The following KLHL29 variants were observed in gnomAD, a reference collection of about 807,000 sequenced individuals.
The protein encoded by KLHL29 is kelch-like protein 29.
In KLHL29, 21 loss-of-function variants were observed where a neutral mutation model predicts 80.4. The observed-to-expected ratio is 0.26, with a 90% CI of 0.19 to 0.38. The LOEUF is 0.38. Ranked by LOEUF, KLHL29 falls within the 10% of genes least tolerant of loss-of-function variation. KLHL29 has a pLI of 1.00. For synonymous variants in KLHL29, 511 were observed against 526.8 expected (o/e 0.97, Z 0.41); for missense variants, 867 against 1,223.9 (o/e 0.71, Z 4.35).
At position 23,421,462 on chromosome 2, in the gene KLHL29, G is replaced by A. The variant is rs115519158; in HGVS notation, c.-154+35682G>A. Among the ~76,000 whole-genome samples, 541 of 152,042 alleles carry A rather than the reference G, an allele frequency of 3.6e-3. 4 individuals carry two copies. The highest frequency in any genetic ancestry group is 0.013 in the African/African-American group (521 of 41,480). Reference sequence around the variant, plus strand: ...GCTGCTCCTGGAGGGGAGAAGTGAAGGATTTCTGGTACAAAGTCATTCTGC... The same window carrying A: ...GCTGCTCCTGGAGGGGAGAAGTGAAAGATTTCTGGTACAAAGTCATTCTGC... On this transcript the variant is annotated intron_variant, in intron 1 of 13. Transcript: ENST00000486442.
At chr2:23,484,602 G>A (rs780049336) in intron 2 of KLHL29, among the ~76,000 whole-genome samples, 1 of 152,184 alleles carries the variant, frequency 6.6e-6, no homozygotes, top group Non-Finnish European at 1.5e-5. Context: ...GGATGGCCCC[G>A]CCAGCCAGAG....
chr2:23,658,358 T>C (rs1007930262), intron 5 of KLHL29, among the ~76,000 whole-genome samples: 2 of 152,198 alleles, frequency 1.3e-5, no homozygotes, highest in Admixed American at 1.3e-4. Flanking sequence ...CTGCTAAGTC[T>C]GGGGCTGACA....
chr2:23,389,822 T>A (rs142118543), intron 1 of KLHL29, among the ~76,000 whole-genome samples: 1,527 of 152,280 alleles, frequency 0.01, 14 homozygotes, highest in Non-Finnish European at 0.013. Context: ...ATATCTGTAG[T>A]TTGTGTAGAA....
chr2:23,582,093 G>C (rs538077135), intron 3 of KLHL29, among the ~76,000 whole-genome samples: 1 of 152,280 alleles, frequency 6.6e-6, no homozygotes, highest in African/African-American at 2.4e-5. Context: ...GGGCAAAACA[G>C]CTCCTATCAG....
chr2:23,639,177 A>G lies in KLHL29; in HGVS notation c.324A>G (p.Gly108=). ...GISKGDSQSQ[G]LATSIRWGQT... ...CCAAAGGGGACAGTCAGTCCCAGGG[A>G]CTGGCGACCAGCATCCGGTGGGGGC... Residue 108 remains glycine (G), a synonymous_variant, in exon 4 of 14, where the codon GGA becomes GGG. Transcript: ENST00000486442. 1 of 1,545,406 alleles carries G rather than the reference A, an allele frequency of 6.5e-7. No individual in the cohort carries two copies.
chr2:23,682,286 G>T lies in KLHL29; in HGVS notation c.941-2113G>T, dbSNP rs1226271156. ...AGCGCTCCCTGTGTGCCCGCCACAT[G>T]CTGTCTCATGGAACCTTCAACAAGT... On this transcript the variant is annotated intron_variant, in intron 5 of 13. Transcript: ENST00000486442. This position sits in a 1 kb window ranked among gnomAD's most constrained non-coding sequence, Gnocchi z 4.1. Among the ~76,000 whole-genome samples, 1 of 152,182 alleles carries T rather than the reference G, an allele frequency of 6.6e-6. No homozygotes were observed. Among genetic ancestry groups the T allele is most frequent in the Non-Finnish European group, 1.5e-5 (1 of 68,034 alleles).
intron 2 of KLHL29, among the ~76,000 whole-genome samples, chr2:23,491,787 C>G (rs1004221438): frequency 6.6e-6 from 1 of 152,180 alleles, no homozygotes; most frequent in African/African-American, 2.4e-5. Flanking sequence ...TGCGACCTCG[C>G]TGAACTCCAT....
intron 3 of KLHL29, among the ~76,000 whole-genome samples, chr2:23,626,106 G>T (rs1198487009): frequency 1.3e-5 from 2 of 151,992 alleles, no homozygotes; most frequent in Non-Finnish European, 2.9e-5. Context: ...GGAGTTGGGG[G>T]GGCAGTTTCT....
At chr2:23,468,207 A>G (rs1558349140) in intron 1 of KLHL29, among the ~76,000 whole-genome samples, 1 of 152,044 alleles carries the variant, frequency 6.6e-6, no homozygotes, top group Non-Finnish European at 1.5e-5. Flanking sequence ...GGTCATTGCC[A>G]TCAAACGGCA....
intron 1 of KLHL29, among the ~76,000 whole-genome samples, chr2:23,405,301 T>C (rs866256808): frequency 1.1e-4 from 17 of 152,176 alleles, no homozygotes; most frequent in South Asian, 1.0e-3. Flanking sequence ...CCATGAAACA[T>C]GATGGAAACC....
At chr2:23,631,785 G>C (rs1240534663) in intron 3 of KLHL29, among the ~76,000 whole-genome samples, 2 of 152,164 alleles carry the variant, frequency 1.3e-5, no homozygotes, top group Non-Finnish European at 2.9e-5. Flanking sequence ...CTGACCCCCT[G>C]AAACCTAGGC....
chr2:23,584,221 A>G (rs1298247062), intron 3 of KLHL29, among the ~76,000 whole-genome samples: 1 of 152,200 alleles, frequency 6.6e-6, no homozygotes, highest in African/African-American at 2.4e-5. Context: ...CTGGGTATGA[A>G]ATTAGATGGC....
At chr2:23,416,177 GC>G (rs1666980523) in intron 1 of KLHL29, among the ~76,000 whole-genome samples, 1 of 152,092 alleles carries the variant, frequency 6.6e-6, no homozygotes, top group Non-Finnish European at 1.5e-5. Flanking sequence ...ACACTTGTAT[GC>G]TGGAAAGAAG....
chr2:23,610,296 G>A (rs367872209), intron 3 of KLHL29, among the ~76,000 whole-genome samples: 77 of 152,296 alleles, frequency 5.1e-4, no homozygotes, highest in African/African-American at 1.6e-3. Flanking sequence ...TGCTGTATTC[G>A]TTCTGGTGTG....
At position 23,584,484 on chromosome 2, in the gene KLHL29, C is replaced by T. The variant is rs144260001; in HGVS notation, c.285+22003C>T. The stretch of plus-strand genomic sequence containing the variant: ...CAGCGGTGTTCATGCTCGTAATTTA[C>T]GTCTTGGAAGTGATTTAATAACTTG... On this transcript the variant is annotated intron_variant, in intron 3 of 13. Coordinates refer to ENST00000486442, the MANE Select transcript of KLHL29 (RefSeq NM_052920.2). 8.3e-4 allele frequency among the ~76,000 whole-genome samples: 127 copies of T among 152,300 alleles called. 1 individual carries two copies. The highest frequency in any genetic ancestry group is 1.7e-3 in the Non-Finnish European group (114 of 68,034).
intron 1 of KLHL29, among the ~76,000 whole-genome samples, chr2:23,402,312 G>T (rs1666615255): frequency 6.6e-6 from 1 of 152,224 alleles, no homozygotes; most frequent in African/African-American, 2.4e-5. Flanking sequence ...AAAATGTGTG[G>T]CTCAATAAAG....
chr2:23,541,268 G>A (rs568415607), intron 2 of KLHL29, among the ~76,000 whole-genome samples: 49 of 152,338 alleles, frequency 3.2e-4, no homozygotes, highest in African/African-American at 1.1e-3. Context: ...TGGATGCACG[G>A]GTAGATGGAT....
rs1016296863 is a variant in KLHL29, at chr2:23,387,028, G to C, written c.-154+1248G>C. ...GCGCGGGCCCCCAGAGATGCTGATGGGTAAGGAGCTGCCGCCGCCGCCGCT... is the reference window on the plus strand; with the variant it reads ...GCGCGGGCCCCCAGAGATGCTGATGCGTAAGGAGCTGCCGCCGCCGCCGCT... On this transcript the variant is annotated intron_variant, in intron 1 of 13. Transcript: ENST00000486442. 2.2e-4 allele frequency among the ~76,000 whole-genome samples: 33 copies of C among 152,246 alleles called. 3 individuals carry two copies. The highest frequency in any genetic ancestry group is 7.9e-4 in the African/African-American group (33 of 41,552).
At chr2:23,577,637 A>G (rs1465582614) in intron 3 of KLHL29, among the ~76,000 whole-genome samples, 1 of 146,348 alleles carries the variant, frequency 6.8e-6, no homozygotes, top group Non-Finnish European at 1.5e-5. Context: ...AATCCCAGCT[A>G]CTCTGGAGGC....
Sources: gnomAD v4.1 joint callset for allele counts (sites outside exome capture counted in the v4.1 genomes callset) on GRCh38, gnomAD v4.1.1 for gene constraint, Gnocchi (gnomAD v3.1) non-coding constraint, MANE v1.5 for transcripts, NCBI Gene and HGNC (gene_info 2026-07-23, HGNC 2026-07-21) for gene names.